The following COL18A1 variants were observed in gnomAD, a reference collection of about 807,000 sequenced individuals.
The protein encoded by COL18A1 is collagen type XVIII alpha 1 chain.
In COL18A1, 133 loss-of-function variants were observed where a neutral mutation model predicts 168.0. That is an observed-to-expected ratio of 0.79 (90% CI 0.69 to 0.91). The LOEUF (loss-of-function observed/expected upper bound fraction) is 0.91, where lower values mean the gene tolerates loss of function less well. Ranked by LOEUF, COL18A1 falls within the 40% of genes least tolerant of loss-of-function variation. The probability of loss-of-function intolerance (pLI) is 0.00; values close to 1 mark genes in which losing one functional copy is unlikely to be tolerated. For missense variants in COL18A1, 2,126 were observed against 1,925.4 expected (o/e 1.10, Z -1.95); for synonymous variants, 949 against 809.0 (o/e 1.17, Z -2.94).
At chr21:45,482,852 C>T (rs370557958) in intron 15 of COL18A1, 31 bp downstream of exon 15, 4 of 1,614,002 alleles carry the variant, frequency 2.5e-6, no homozygotes, top group Non-Finnish European at 3.4e-6. Context: ...ACATCAGTCC[C>T]CTGCCCCTGG....
At chr21:45,451,131 A>G (rs911046276) in intron 2 of COL18A1, among the ~76,000 whole-genome samples, 4 of 152,228 alleles carry the variant, frequency 2.6e-5, no homozygotes, top group Admixed American at 6.5e-5. Context: ...GCAGGTCATG[A>G]TAACAAGAGT....
At chr21:45,506,763 C>T (rs368317533) in intron 37 of COL18A1, 2,552 of 31,000 alleles carry the variant, frequency 0.082, 35 homozygotes, top group African/African-American at 0.14. Flanking sequence ...CCCACCTTCC[C>T]TCTGGAACCC....
At position 45,496,492 on chromosome 21, in the gene COL18A1, C is replaced by T; in HGVS notation, c.2509-8C>T. ...CATAAGCCTAACAGCTCTCTGCCCT[C>T]CCCACAGGGAATGCCCGGCCCCCCA... On this transcript the variant is annotated splice_polypyrimidine_tract_variant and splice_region_variant and intron_variant, in intron 29 of 41. Transcript: ENST00000651438. 7.7e-7 allele frequency: 1 copy of T among 1,297,652 alleles called. No homozygotes were observed. The highest frequency in any genetic ancestry group is 1.1e-6 in the Non-Finnish European group (1 of 891,336). 80.4% of individuals were successfully genotyped at this position (1,297,652 alleles called of 1,614,324 possible). A position where few individuals can be genotyped will look rare whatever the true frequency, so the allele number is the denominator to read the frequency against.
Position 45,425,210 on chromosome 21 carries a change from A to C in COL18A1, c.106+19737A>C, listed in dbSNP as rs1399995011. On this transcript the variant is annotated intron_variant, in intron 2 of 41. Transcript: ENST00000651438. The surrounding 1 kb of genome is among the most constrained non-coding windows in gnomAD (Gnocchi z 4.1). ...TCTTGGGCTGCGCAGAGCCCCAGCC[A>C]TGTGTGTGCTGAGTGCAGTGTGACC... 6.6e-6 allele frequency: 1 copy of C among 152,160 alleles called. No homozygotes were observed. Among genetic ancestry groups the C allele is most frequent in the South Asian group, 2.1e-4 (1 of 4,816 alleles). The allele number at this position is 152,160 out of a possible 1,614,324, so 9.4% of individuals were successfully genotyped here.
intron 2 of COL18A1, chr21:45,422,587 G>C: frequency 2.2e-6 from 1 of 464,322 alleles, no homozygotes; most frequent in South Asian, 1.6e-5. Context: ...GTCCTGTGCG[G>C]GTCTCAGGGC....
At chr21:45,428,076 A>T (rs1292157415) in intron 2 of COL18A1, among the ~76,000 whole-genome samples, 1 of 152,148 alleles carries the variant, frequency 6.6e-6, no homozygotes, top group Non-Finnish European at 1.5e-5. Context: ...CACCTCCTCC[A>T]TGAAGCCTTC....
chr21:45,462,368 C>T (rs1346965884), intron 2 of COL18A1, among the ~76,000 whole-genome samples: 7 of 152,268 alleles, frequency 4.6e-5, no homozygotes, highest in East Asian at 1.9e-4. Flanking sequence ...TTCTTTTTCT[C>T]TTCTGTTTGC....
chr21:45,459,071 G>T (rs1001827897), intron 2 of COL18A1, among the ~76,000 whole-genome samples: 2 of 152,206 alleles, frequency 1.3e-5, no homozygotes, highest in Non-Finnish European at 2.9e-5. Flanking sequence ...CAGGGTCCTG[G>T]GGGACTCCAT....
chr21:45,428,541 G>A (rs2033869806), intron 2 of COL18A1, among the ~76,000 whole-genome samples: 1 of 152,214 alleles, frequency 6.6e-6, no homozygotes, highest in African/African-American at 2.4e-5. Context: ...ATTTAGTACA[G>A]CCAGAAGGCT....
At chr21:45,411,644 CTG>C (rs1254266199) in intron 2 of COL18A1, among the ~76,000 whole-genome samples, 1 of 151,856 alleles carries the variant, frequency 6.6e-6, no homozygotes, top group Non-Finnish European at 1.5e-5. Flanking sequence ...GGGCCCGGCG[CTG>C]TGAGTGAGCA....
intron 2 of COL18A1, among the ~76,000 whole-genome samples, chr21:45,461,143 T>C (rs180978509): frequency 3.3e-4 from 51 of 152,272 alleles, no homozygotes; most frequent in African/African-American, 1.1e-3. Flanking sequence ...ATGTGTACAT[T>C]AGACCTCTAG....
chr21:45,501,367 C>CA (rs1346797940), intron 32 of COL18A1, among the ~76,000 whole-genome samples: 1 of 152,096 alleles, frequency 6.6e-6, no homozygotes, highest in Non-Finnish European at 1.5e-5. Context: ...CTGCGAAGGT[C>CA]TCCAGGCCAC....
At chr21:45,497,184 C>G (rs148453450) in intron 31 of COL18A1, 92 bp downstream of exon 31, 143 of 857,562 alleles carry the variant, frequency 1.7e-4, no homozygotes, top group South Asian at 1.6e-3. Flanking sequence ...CAGTGAGACT[C>G]CCCCAGTGGC....
chr21:45,418,852 A>G (rs999833622), intron 2 of COL18A1, among the ~76,000 whole-genome samples: 1 of 152,148 alleles, frequency 6.6e-6, no homozygotes, highest in Admixed American at 6.5e-5. Flanking sequence ...GTGATGGCCA[A>G]TACACACCCT....
At chr21:45,493,111 G>T (rs1054166807) in intron 24 of COL18A1, 52 bp from the exon 25 acceptor site, 393 of 1,512,102 alleles carry the variant, frequency 2.6e-4, no homozygotes, top group Non-Finnish European at 3.4e-4. Flanking sequence ...CAGCCGTCGG[G>T]GATGGGGGAG....
At position 45,512,552 on chromosome 21, in the gene COL18A1, G is replaced by C. The variant is rs2037673637; in HGVS notation, c.*154G>C. 1.4e-6 allele frequency: 1 copy of C among 708,004 alleles called. No homozygotes were observed. Among genetic ancestry groups the C allele is most frequent in the East Asian group, 2.7e-5 (1 of 36,880 alleles). 43.9% of individuals were successfully genotyped at this position (708,004 alleles called of 1,614,324 possible). On this transcript the variant is annotated 3_prime_UTR_variant, in exon 42 of 42. Coordinates refer to ENST00000651438, the MANE Select transcript of COL18A1 (RefSeq NM_001379500.1). ...TTCATGTAATCCTCAAGAAATAAAA[G>C]GAAGCCAAAGAGTGTATTTTTTTAA...
chr21:45,500,379 G>A (rs1449742598), intron 32 of COL18A1, among the ~76,000 whole-genome samples: 1 of 131,870 alleles, frequency 7.6e-6, no homozygotes, highest in Non-Finnish European at 1.6e-5. Context: ...GAGGGGGTGG[G>A]GGTGTGTGGA....
intron 2 of COL18A1, among the ~76,000 whole-genome samples, chr21:45,438,615 G>GA (rs2034285239): frequency 6.6e-6 from 1 of 152,272 alleles, no homozygotes; most frequent in African/African-American, 2.4e-5. Context: ...GGGCAGTGGA[G>GA]AGGGAGTGTG....
intron 24 of COL18A1, 45 bp downstream of exon 24, chr21:45,492,758 G>A: frequency 3.6e-6 from 3 of 837,366 alleles, no homozygotes; most frequent in Non-Finnish European, 5.1e-6. Flanking sequence ...GGCTGGGGAG[G>A]GGTCTCCACC....
Sources: allele counts gnomAD v4.1 joint callset (sites outside exome capture counted in the v4.1 genomes callset), GRCh38; gene constraint gnomAD v4.1.1; non-coding constraint Gnocchi (gnomAD v3.1); transcripts MANE v1.5; gene names NCBI Gene and HGNC (gene_info 2026-07-23, HGNC 2026-07-21).